TAF9B: variants seen among roughly 807,000 people sequenced by gnomAD.
TAF9B encodes transcription initiation factor TFIID subunit 9B.
A neutral mutation model predicts 17.6 loss-of-function variants in TAF9B; 47 were observed. The observed-to-expected ratio is 2.68, with a 90% CI of 2.12 to 3.41. The LOEUF is 3.41. Among genes scored for constraint, TAF9B ranks in the 30% most tolerant of loss-of-function variants. The pLI is 0.00. For missense variants in TAF9B, 218 were observed against 189.3 expected, an observed-to-expected ratio of 1.15 and a Z score of -0.89; for synonymous variants, 84 against 68.7, an observed-to-expected ratio of 1.22 and a Z score of -1.10.
chrX:78,134,258 T>C (rs1217318851), intron 5 of TAF9B, among the ~76,000 whole-genome samples: 1 of 111,621 alleles, frequency 9.0e-6, no homozygotes, highest in African/African-American at 3.3e-5. Flanking sequence ...CTTAACGTCA[T>C]AGGAGTCATT....
At chrX:78,135,582 AGAGT>A (rs782227799) in intron 5 of TAF9B, among the ~76,000 whole-genome samples, 29 of 110,842 alleles carry the variant, frequency 2.6e-4, no homozygotes, top group African/African-American at 9.5e-4. Flanking sequence ...CCTGGGTAAC[AGAGT>A]GAGAGTCTGT....
At chrX:78,139,059 C>G (rs1422139007) in intron 1 of TAF9B, 135 bp from the exon 2 acceptor site, 19 of 479,139 alleles carry the variant, frequency 4.0e-5, no homozygotes, top group Non-Finnish European at 6.6e-5. Flanking sequence ...CCTTGCCCTC[C>G]CAAGTGAGTC....
intron 5 of TAF9B, among the ~76,000 whole-genome samples, chrX:78,135,161 C>T (rs2078429361): frequency 9.5e-6 from 1 of 104,931 alleles, no homozygotes; most frequent in African/African-American, 3.5e-5. Flanking sequence ...CCATGTTGGC[C>T]AGGCTGCTCT....
chrX:78,138,998 T>C, intron 1 of TAF9B, 74 bp from the exon 2 acceptor site: 1 of 813,401 alleles, frequency 1.2e-6, no homozygotes, highest in Non-Finnish European at 1.8e-6. Flanking sequence ...GGGTAGTATT[T>C]ATATTTATGA....
At chrX:78,136,720 C>T (rs2078435690) in intron 5 of TAF9B, among the ~76,000 whole-genome samples, 195 bp downstream of exon 5, 1 of 112,205 alleles carries the variant, frequency 8.9e-6, no homozygotes, top group African/African-American at 3.2e-5. Context: ...TGAGATCAGA[C>T]GTTCCTTGTG....
rs782212719 is a variant in TAF9B, at chrX:78,129,964, A to T, written c.*1646T>A. The T allele has an allele frequency of 8.9e-6, 1 of 112,269 alleles. No homozygotes were observed. Among genetic ancestry groups the T allele is most frequent in the African/African-American group, 3.2e-5 (1 of 30,788 alleles). 9.3% of individuals were successfully genotyped at this position (112,269 alleles called of 1,213,427 possible). A position where few individuals can be genotyped will look rare whatever the true frequency, so the allele number is the denominator to read the frequency against. ...ACAGTTGGTAAATGATGGAGCTAGG[A>T]CTAGAACCTAGGCCTTCTGACTTGC... On this transcript the variant is annotated 3_prime_UTR_variant, in exon 7 of 7. Transcript: ENST00000341864.
intron 6 of TAF9B, among the ~76,000 whole-genome samples, chrX:78,132,610 CTGTGTG>C (rs201863850): frequency 0.037 from 3,586 of 96,183 alleles, 129 homozygotes; most frequent in Admixed American, 0.16. Context: ...TTATTCCAAT[CTGTGTG>C]TGTGTGTGTG....
At chrX:78,138,709 C>G (rs1338278271) in intron 2 of TAF9B, 134 bp downstream of exon 2, 1 of 518,143 alleles carries the variant, frequency 1.9e-6, no homozygotes, top group Non-Finnish European at 3.2e-6. Context: ...GAGCCAAGAT[C>G]GCGCCACTGC....
intron 1 of TAF9B, 128 bp downstream of exon 1, chrX:78,139,430 TCTC>T (rs1251398662): frequency 1.4e-4 from 140 of 978,763 alleles, no homozygotes; most frequent in Middle Eastern, 3.7e-4. Flanking sequence ...CCCATCACCC[TCTC>T]CTCCTGACGG....
intron 6 of TAF9B, 44 bp from the exon 7 acceptor site, chrX:78,131,817 T>TA (rs1557249529): frequency 9.0e-7 from 1 of 1,116,396 alleles, no homozygotes; most frequent in Admixed American, 2.5e-5. Flanking sequence ...AGCTATGAAT[T>TA]ACCCAGAATC....
intron 5 of TAF9B, among the ~76,000 whole-genome samples, chrX:78,136,246 C>A (rs1236792181): frequency 9.0e-6 from 1 of 111,592 alleles, no homozygotes; most frequent in African/African-American, 3.2e-5. Context: ...ATAATGGTTT[C>A]TAAATACCAT....
rs2149139631 is a variant in TAF9B, at chrX:78,131,181, G to GT, written c.*428dup. 1.2e-5 allele frequency: 1 copy of GT among 80,004 alleles called. No homozygotes were observed. Among genetic ancestry groups the GT allele is most frequent in the African/African-American group, 5.5e-5 (1 of 18,269 alleles). The allele number at this position is 80,004 out of a possible 1,213,427, so 6.6% of individuals were successfully genotyped here. On this transcript the variant is annotated 3_prime_UTR_variant, in exon 7 of 7. Coordinates refer to ENST00000341864, the MANE Select transcript of TAF9B (RefSeq NM_015975.5). Reference sequence around the variant, plus strand: ...AATGTTTCCTATATTGAGAGATTTGGTAAAAAAAAAAAAATTAGCTAGTGA... The same window carrying GT: ...AATGTTTCCTATATTGAGAGATTTGGTTAAAAAAAAAAAAATTAGCTAGTGA...
In TAF9B at chrX:78,129,823, A is replaced by G. The variant is rs1215207101; in HGVS notation, c.*1787T>C. 8.9e-6 allele frequency: 1 copy of G among 112,248 alleles called. No individual in the cohort carries two copies. The highest frequency in any genetic ancestry group is 1.9e-5 in the Non-Finnish European group (1 of 53,282). The allele number at this position is 112,248 out of a possible 1,213,427, so 9.3% of individuals were successfully genotyped here. On this transcript the variant is annotated 3_prime_UTR_variant, in exon 7 of 7. Coordinates refer to ENST00000341864, the MANE Select transcript of TAF9B (RefSeq NM_015975.5). ...TCATATAGCATTTTACAATTCTGAAAGAATTTTCACATATACCAATTGAAC... is the reference window on the plus strand; with the variant it reads ...TCATATAGCATTTTACAATTCTGAAGGAATTTTCACATATACCAATTGAAC...
chrX:78,133,274 A>C, intron 6 of TAF9B, 64 bp downstream of exon 6: 1 of 946,328 alleles, frequency 1.1e-6, no homozygotes, highest in Non-Finnish European at 1.5e-6. Context: ...TGCTATAGGA[A>C]TACAAACGGT....
At chrX:78,135,086 G>GGGA (rs1158044076) in intron 5 of TAF9B, among the ~76,000 whole-genome samples, 1 of 104,292 alleles carries the variant, frequency 9.6e-6, no homozygotes, top group African/African-American at 3.5e-5. Flanking sequence ...CCGAGTAGCT[G>GGGA]GGATTACAGG....
rs1557249731 is a variant in TAF9B at position 78,133,382 on chromosome X, A to T, written c.548T>A (p.Phe183Tyr). The T allele has an allele frequency of 2.5e-6, 3 of 1,210,155 alleles. No homozygotes were observed. The South Asian group carries it at 5.3e-5, about 21-fold the overall frequency. ...ATPMSVTSQR[F>Y]TVQIPPSQST... ...CTGAGAAGGTGGAATCTGCACCGTA[A>T]ATCTTTGGCTTGTCACTGACATTGG... The change falls in exon 6 of 7, where the codon TTT becomes TAT. Residue 183 changes from phenylalanine (F) to tyrosine (Y), a missense_variant. By Grantham distance (22) the Phe-to-Tyr change is conservative. Transcript: ENST00000341864.
chrX:78,134,448 A>T (rs782183473), intron 5 of TAF9B, among the ~76,000 whole-genome samples: 1 of 112,009 alleles, frequency 8.9e-6, no homozygotes, highest in Non-Finnish European at 1.9e-5. Context: ...TAAAAAATAC[A>T]TTTATGGAAA....
Position 78,131,475 on chromosome X carries a change from G to C in TAF9B, c.*135C>G. 1.9e-6 allele frequency: 1 copy of C among 528,023 alleles called. No homozygotes were observed. The highest frequency in any genetic ancestry group is 3.0e-6 in the Non-Finnish European group (1 of 331,371). The allele number at this position is 528,023 out of a possible 1,213,427, so 43.5% of individuals were successfully genotyped here. ...GTATGTTTACTAAAGAGATCTAACA[G>C]TTTTAACTGACGAAAAATACTGCAG... On this transcript the variant is annotated 3_prime_UTR_variant, in exon 7 of 7. Coordinates refer to ENST00000341864, the MANE Select transcript of TAF9B (RefSeq NM_015975.5).
intron 5 of TAF9B, among the ~76,000 whole-genome samples, chrX:78,134,806 G>T (rs1300723409): frequency 1.8e-5 from 2 of 111,609 alleles, no homozygotes; most frequent in African/African-American, 6.5e-5. Context: ...CTCACAGTAG[G>T]TGGATGTTTT....
Sources: allele counts gnomAD v4.1 joint callset (sites outside exome capture counted in the v4.1 genomes callset), GRCh38; gene constraint gnomAD v4.1.1; transcripts MANE v1.5; gene names NCBI Gene and HGNC (gene_info 2026-07-23, HGNC 2026-07-21).